The following ALX4 variants were observed in gnomAD, a reference collection of about 807,000 sequenced individuals.
ALX4 encodes ALX homeobox 4.
Under a neutral mutation model 40.6 loss-of-function variants are expected in ALX4, and 22 were observed. That is an observed-to-expected ratio of 0.54 (90% CI 0.39 to 0.77). The LOEUF is 0.77. Ranked by LOEUF, ALX4 falls within the 30% of genes least tolerant of loss-of-function variation. ALX4 has a pLI of 0.00. For synonymous variants in ALX4, 266 were observed against 240.5 expected (o/e 1.11, Z -0.98); for missense variants, 556 against 564.8 (o/e 0.98, Z 0.16).
rs552884361 is a variant in ALX4 at position 44,304,040 on chromosome 11, C to A, written c.466+5557G>T. Among the ~76,000 whole-genome samples the A allele has an allele frequency of 1.4e-3, 211 of 152,330 alleles. 1 individual carries two copies. Among genetic ancestry groups the A allele is most frequent in the Middle Eastern group, 0.01 (3 of 294 alleles). ...AAGGCTCACTGGCTGGAAAGAGGTG[C>A]CTCCTCCTTCCAGCAAAGGGCCCTG... On this transcript the variant is annotated intron_variant, in intron 1 of 3. Transcript: ENST00000652299.
In ALX4 at chr11:44,267,789, G is replaced by A. The variant is rs371128130; in HGVS notation, c.778-167C>T. On this transcript the variant is annotated intron_variant, in intron 2 of 3. Coordinates refer to ENST00000652299, the MANE Select transcript of ALX4 (RefSeq NM_021926.4). Reference sequence around the variant, plus strand: ...ACCTTGGTCTTTGTCCTCAAGAGCTGACAATCTAGAATCATCCACTCTGAG... The same window carrying A: ...ACCTTGGTCTTTGTCCTCAAGAGCTAACAATCTAGAATCATCCACTCTGAG... Among the ~76,000 whole-genome samples the A allele has an allele frequency of 1.1e-3, 168 of 152,310 alleles. 1 individual carries two copies. The highest frequency in any genetic ancestry group is 3.8e-3 in the African/African-American group (160 of 41,570).
chr11:44,279,273 C>T (rs1018464227), intron 1 of ALX4, among the ~76,000 whole-genome samples: 1 of 152,202 alleles, frequency 6.6e-6, no homozygotes, highest in Non-Finnish European at 1.5e-5. Flanking sequence ...CCATGACAGC[C>T]CTGTCCCTGC....
chr11:44,275,908 CAAT>C (rs900683260), intron 1 of ALX4, among the ~76,000 whole-genome samples: 5 of 152,202 alleles, frequency 3.3e-5, no homozygotes, highest in African/African-American at 1.2e-4. Context: ...CTTCCAGCAA[CAAT>C]GTTATGTGAA....
chr11:44,294,199 A>G (rs978799294), intron 1 of ALX4, among the ~76,000 whole-genome samples: 1 of 152,160 alleles, frequency 6.6e-6, no homozygotes, highest in African/African-American at 2.4e-5. Context: ...GAGGATACTA[A>G]TATCTCCCAG....
At chr11:44,289,005 C>G (rs1044077684) in intron 1 of ALX4, among the ~76,000 whole-genome samples, 10 of 152,278 alleles carry the variant, frequency 6.6e-5, no homozygotes, top group Non-Finnish European at 1.5e-4. Flanking sequence ...TCTTGCCTTA[C>G]TGATTCATTC....
intron 1 of ALX4, among the ~76,000 whole-genome samples, chr11:44,284,431 CA>C (rs1287847205): frequency 2.6e-5 from 4 of 152,194 alleles, no homozygotes; most frequent in Admixed American, 2.0e-4. Flanking sequence ...ACACTTTAAA[CA>C]ATATAAGTAT....
intron 2 of ALX4, among the ~76,000 whole-genome samples, chr11:44,273,327 G>A (rs1254098687): frequency 1.3e-5 from 2 of 152,116 alleles, no homozygotes; most frequent in Admixed American, 1.3e-4. Context: ...AAAGCGGACT[G>A]ATTATGACAT....
chr11:44,269,908 G>A (rs1026567861), intron 2 of ALX4, among the ~76,000 whole-genome samples: 1 of 152,160 alleles, frequency 6.6e-6, no homozygotes, highest in African/African-American at 2.4e-5. Context: ...GGGGAAGCTG[G>A]GGGGAGGGGA....
intron 1 of ALX4, among the ~76,000 whole-genome samples, chr11:44,284,852 G>A (rs1956329329): frequency 6.6e-6 from 1 of 151,876 alleles, no homozygotes; most frequent in South Asian, 2.1e-4. Flanking sequence ...TGTAATCTAT[G>A]TTCTATATGG....
intron 1 of ALX4, among the ~76,000 whole-genome samples, chr11:44,306,018 G>A (rs1234449878): frequency 6.6e-6 from 1 of 152,238 alleles, no homozygotes; most frequent in East Asian, 1.9e-4. Flanking sequence ...GCGTCGCTGA[G>A]AAACGTCGGA....
chr11:44,301,602 C>T (rs1053775534), intron 1 of ALX4, among the ~76,000 whole-genome samples: 1 of 152,156 alleles, frequency 6.6e-6, no homozygotes, highest in Non-Finnish European at 1.5e-5. Flanking sequence ...AAGCATCTGC[C>T]CTATTTGATG....
Position 44,265,024 on chromosome 11 carries a change from C to T in ALX4, c.1066G>A (p.Gly356Ser), listed in dbSNP as rs952423649. 2.5e-6 allele frequency: 4 copies of T among 1,612,978 alleles called. No individual in the cohort carries two copies. The African/African-American group carries it at 4.0e-5, about 16-fold the overall frequency. Reference protein sequence around the residue: ...VTDFLSVSGAGSHVGQTHMGS... With the variant: ...VTDFLSVSGASSHVGQTHMGS... The stretch of plus-strand genomic sequence containing the variant: ...ATGTGCGTCTGGCCCACGTGACTGC[C>T]AGCCCCAGACACACTCAGGAAGTCG... Residue 356 changes from glycine (G) to serine (S), a missense_variant, in exon 4 of 4, where the codon GGC (glycine) becomes AGC (serine). Transcript: ENST00000652299.
At chr11:44,299,234 C>T (rs1590702769) in intron 1 of ALX4, among the ~76,000 whole-genome samples, 1 of 152,214 alleles carries the variant, frequency 6.6e-6, no homozygotes, top group East Asian at 1.9e-4. Flanking sequence ...GGAAGCTGTG[C>T]CCAAGGTCAC....
At chr11:44,278,507 C>T (rs140461775) in intron 1 of ALX4, among the ~76,000 whole-genome samples, 147 of 152,292 alleles carry the variant, frequency 9.7e-4, no homozygotes, top group African/African-American at 3.4e-3. Context: ...TGGGGGCAGC[C>T]TCTCAGCACT....
intron 1 of ALX4, among the ~76,000 whole-genome samples, chr11:44,305,278 T>G (rs1053605971): frequency 6.6e-6 from 1 of 152,218 alleles, no homozygotes; most frequent in African/African-American, 2.4e-5. Flanking sequence ...GTCGATTGAC[T>G]TAAAATATTG....
rs764490498 is a variant in ALX4 at position 44,265,021 on chromosome 11, T to C, written c.1069A>G (p.Ser357Gly). 1.5e-5 allele frequency: 24 copies of C among 1,612,958 alleles called. No individual in the cohort carries two copies. The highest frequency in any genetic ancestry group is 3.3e-4 in the Middle Eastern group (2 of 6,084). ...CCCATGTGCGTCTGGCCCACGTGAC[T>C]GCCAGCCCCAGACACACTCAGGAAG... ...TDFLSVSGAG[S>G]HVGQTHMGSL... The change falls in exon 4 of 4, where the codon AGT becomes GGT. Residue 357 changes from serine to glycine, a missense_variant. By Grantham distance (56) the Ser-to-Gly change is moderately conservative (BLOSUM62 0). Transcript: ENST00000652299.
intron 1 of ALX4, among the ~76,000 whole-genome samples, chr11:44,281,642 G>C (rs1450279155): frequency 6.6e-6 from 1 of 151,990 alleles, no homozygotes; most frequent in African/African-American, 2.4e-5. Flanking sequence ...TATTGAAAGG[G>C]CACTGACTAA....
rs2135314121 is a variant in ALX4 at position 44,275,612 on chromosome 11, G to A, written c.513C>T (p.Asp171=). The A allele has an allele frequency of 6.2e-7, 1 of 1,613,820 alleles. No homozygotes were observed. The highest frequency in any genetic ancestry group is 1.7e-4 in the Middle Eastern group (1 of 6,060). The part of the protein sequence containing the change: ...LGEPELPPDS[D]TVGMDSSYLS... ...GGTAGCTGCTGTCCATCCCCACAGT[G>A]TCAGAGTCAGGGGGTAACTCTGGCT... Residue 171 remains aspartate, a synonymous_variant, in exon 2 of 4, where the codon GAC becomes GAT. Transcript: ENST00000652299.
chr11:44,287,959 T>C (rs973815131), intron 1 of ALX4, among the ~76,000 whole-genome samples: 3 of 152,240 alleles, frequency 2.0e-5, no homozygotes, highest in African/African-American at 4.8e-5. Flanking sequence ...ATGAGTCATA[T>C]GTCTGCAACT....
Sources: gnomAD v4.1 joint callset for allele counts (sites outside exome capture counted in the v4.1 genomes callset) on GRCh38, gnomAD v4.1.1 for gene constraint, MANE v1.5 for transcripts, NCBI Gene and HGNC (gene_info 2026-07-23, HGNC 2026-07-21) for gene names.